DNAH17: variants seen among roughly 807,000 people sequenced by gnomAD.
DNAH17 encodes the protein axonemal beta dynein heavy chain 17.
In DNAH17, 376 loss-of-function variants were observed where a neutral mutation model predicts 485.6. The observed-to-expected ratio is 0.77, with a 90% CI of 0.71 to 0.84. The LOEUF (loss-of-function observed/expected upper bound fraction) is 0.84, where lower values mean the gene tolerates loss of function less well. Ranked by LOEUF, DNAH17 falls within the 40% of genes least tolerant of loss-of-function variation. The pLI is 0.00. For synonymous variants in DNAH17, 3,031 were observed against 2,405.9 expected (o/e 1.26, Z -7.60); for missense variants, 6,370 against 5,839.3 (o/e 1.09, Z -2.96).
chr17:78,468,497 A>T (rs1463182434), intron 55 of DNAH17, 120 bp downstream of exon 55: 1 of 1,329,902 alleles, frequency 7.5e-7, no homozygotes, highest in Non-Finnish European at 1.0e-6. Flanking sequence ...CTCTCCTAAC[A>T]GGATTTCACA....
chr17:78,550,946 C>T lies in DNAH17; in HGVS notation c.2391+589G>A, dbSNP rs148062351. Among the ~76,000 whole-genome samples, 554 of 152,246 alleles carry T rather than the reference C, an allele frequency of 3.6e-3. 5 individuals are homozygous for T. Among genetic ancestry groups the T allele is most frequent in the African/African-American group, 0.013 (526 of 41,544 alleles). On this transcript the variant is annotated intron_variant, in intron 16 of 80. Transcript: ENST00000389840. ...TTGAAAATTGAATCAGAGCCAGATGCGGTGGCTCACGCCTGTAATCCCAGC... is the reference window on the plus strand; with the variant it reads ...TTGAAAATTGAATCAGAGCCAGATGTGGTGGCTCACGCCTGTAATCCCAGC...
chr17:78,565,032 C>A (rs1459810982), intron 11 of DNAH17, among the ~76,000 whole-genome samples: 1 of 152,204 alleles, frequency 6.6e-6, no homozygotes, highest in Non-Finnish European at 1.5e-5. Context: ...ATTACCCTAA[C>A]CTGCTTCCAG....
In DNAH17 at chr17:78,457,950, T is replaced by C. The variant is rs545771367; in HGVS notation, c.9977+615A>G. Reference sequence around the variant, plus strand: ...TGCTGGGATTACAGGCGTGAGCCACTGCGCCCAGCTAGTCTGGCTAATTTT... The same window carrying C: ...TGCTGGGATTACAGGCGTGAGCCACCGCGCCCAGCTAGTCTGGCTAATTTT... On this transcript the variant is annotated intron_variant, in intron 62 of 80. Transcript: ENST00000389840. Among the ~76,000 whole-genome samples, 14 of 152,246 alleles carry C rather than the reference T, an allele frequency of 9.2e-5. No individual in the cohort carries two copies. In the East Asian group the frequency reaches 2.7e-3, roughly 29 times the overall value.
chr17:78,463,161 C>T, intron 56 of DNAH17, 84 bp from the exon 57 acceptor site: 2 of 1,321,552 alleles, frequency 1.5e-6, no homozygotes, highest in Non-Finnish European at 2.1e-6. Context: ...ACCAGGGGCC[C>T]TGGACAAGGT....
At position 78,451,670 on chromosome 17, in the gene DNAH17, G is replaced by A; in HGVS notation, c.10533C>T (p.Tyr3511=). 6.4e-7 allele frequency: 1 copy of A among 1,559,634 alleles called. No homozygotes were observed. Among genetic ancestry groups the A allele is most frequent in the Non-Finnish European group, 8.7e-7 (1 of 1,152,088 alleles). ...CCACCTCCTTGTCACCGATCTTAAT[G>A]TACCTGGCGGTTGGTGGAGGAAAGG... ...LGRNTIKKGK[Y]IKIGDKEVEY... is the part of the protein sequence containing the mutation. The change falls in exon 66 of 81, where the codon TAC becomes TAT. Residue 3511 remains tyrosine (Y), a synonymous_variant. Coordinates refer to ENST00000389840, the MANE Select transcript of DNAH17 (RefSeq NM_173628.4).
intron 2 of DNAH17, among the ~76,000 whole-genome samples, chr17:78,573,545 G>A (rs372750534): frequency 6.6e-4 from 99 of 150,644 alleles, no homozygotes; most frequent in African/African-American, 2.4e-3. Flanking sequence ...GTTGCAGTGA[G>A]CTGAGATCAC....
intron 69 of DNAH17, among the ~76,000 whole-genome samples, chr17:78,445,994 AAACCCTGT>A (rs1217877822): frequency 6.6e-6 from 1 of 151,894 alleles, no homozygotes; most frequent in African/African-American, 2.4e-5. Flanking sequence ...CAACATGGTG[AAACCCTGT>A]TTCTACTAAA....
chr17:78,504,567 TTTC>T (rs1196292743), intron 31 of DNAH17, among the ~76,000 whole-genome samples: 4 of 152,086 alleles, frequency 2.6e-5, no homozygotes, highest in African/African-American at 7.2e-5. Flanking sequence ...GAGATTTTTT[TTTC>T]TTCTTCCTAC....
At position 78,567,074 on chromosome 17, in the gene DNAH17, A is replaced by C. The variant is rs1399430823; in HGVS notation, c.1377T>G (p.Arg459=). ...RGNLLGSLVT[R]IYDEVFELVK... is the part of the protein sequence containing the mutation. ...CCAGCTCAAAGACCTCATCATAGAT[A>C]CGGGTCACCAGGCTCCCGAGGAGGT... The change falls in exon 10 of 81, where the codon CGT becomes CGG. Residue 459 remains arginine, a synonymous_variant. Coordinates refer to ENST00000389840, the MANE Select transcript of DNAH17 (RefSeq NM_173628.4). The C allele has an allele frequency of 6.2e-7, 1 of 1,613,576 alleles. No individual in the cohort carries two copies. The highest frequency in any genetic ancestry group is 2.2e-5 in the East Asian group (1 of 44,886).
rs756202591 is a variant in DNAH17, at chr17:78,532,620, G to A, written c.2976C>T (p.Tyr992=). The A allele has an allele frequency of 6.2e-7, 1 of 1,605,050 alleles. No individual in the cohort carries two copies. The highest frequency in any genetic ancestry group is 8.5e-7 in the Non-Finnish European group (1 of 1,175,500). The change falls in exon 20 of 81, where the codon TAC becomes TAT. Residue 992 remains tyrosine, a synonymous_variant. Transcript: ENST00000389840. ...ACTCCTGCAGGTTGTCCGTCCAGAG[G>A]TAGGAGTACCTCTCAAAGGAATCCT... The part of the protein sequence containing the change: ...EYQDSFERYS[Y]LWTDNLQEFM...
intron 80 of DNAH17, among the ~76,000 whole-genome samples, chr17:78,424,735 C>T (rs59434174): frequency 0.014 from 2,104 of 152,292 alleles, 44 homozygotes; most frequent in African/African-American, 0.047. Flanking sequence ...AATGGGGTGA[C>T]GTCAGCTGTT....
Position 78,486,013 on chromosome 17 carries a change from G to T in DNAH17, c.7222C>A (p.Pro2408Thr). Residue 2408 changes from proline (P) to threonine (T), a missense_variant, in exon 46 of 81, where the codon CCC becomes ACC. Pro to Thr is a conservative substitution (Grantham distance 38). Coordinates refer to ENST00000389840, the MANE Select transcript of DNAH17 (RefSeq NM_173628.4). ...AAGGAGGGCACTTTATCTGTCCAGG[G>T]CAGGAACTTTTTTGTGTCAGGATCA... The part of the protein sequence containing the change: ...YIDPDTKKFL[P>T]WTDKVPSFEL... 1 of 1,613,894 alleles carries T rather than the reference G, an allele frequency of 6.2e-7. No individual in the cohort carries two copies. The highest frequency in any genetic ancestry group is 2.2e-5 in the East Asian group (1 of 44,884).
At chr17:78,570,688 T>C (rs1335052256) in intron 6 of DNAH17, among the ~76,000 whole-genome samples, 1 of 150,958 alleles carries the variant, frequency 6.6e-6, no homozygotes, top group Non-Finnish European at 1.5e-5. Context: ...TGAAACCCCA[T>C]CTCTACTAAA....
intron 23 of DNAH17, 66 bp from the exon 24 acceptor site, chr17:78,526,803 C>A (rs1190818858): frequency 1.9e-6 from 3 of 1,560,232 alleles, no homozygotes; most frequent in Non-Finnish European, 2.6e-6. Flanking sequence ...GGTGGCCCCA[C>A]CCTGTATGCC....
intron 73 of DNAH17, 22 bp from the exon 74 acceptor site, chr17:78,437,890 G>C (rs981583581): frequency 1.3e-6 from 2 of 1,578,622 alleles, no homozygotes; most frequent in Middle Eastern, 1.7e-4. Flanking sequence ...ACTAGAGGCT[G>C]GTTACACACT....
intron 26 of DNAH17, among the ~76,000 whole-genome samples, chr17:78,511,117 G>A (rs2090625741): frequency 6.6e-6 from 1 of 152,164 alleles, no homozygotes; most frequent in South Asian, 2.1e-4. Context: ...ACACAGGTCT[G>A]TTTTCTTTCT....
At position 78,494,021 on chromosome 17, in the gene DNAH17, G is replaced by A. The variant is rs767500533; in HGVS notation, c.6408+15C>T. ...ATGCCGGATCCCTGCAAGGTCCCTG[G>A]AGCGGGTGACACACCTGAGATTTGC... On this transcript the variant is annotated intron_variant, in intron 41 of 80. Transcript: ENST00000389840. 14 of 1,609,482 alleles carry A rather than the reference G, an allele frequency of 8.7e-6. No homozygotes were observed. The highest frequency in any genetic ancestry group is 1.1e-5 in the Non-Finnish European group (13 of 1,178,484).
Position 78,502,896 on chromosome 17 carries a change from T to C in DNAH17, c.5072A>G (p.Tyr1691Cys), listed in dbSNP as rs780449583. The C allele has an allele frequency of 3.1e-6, 5 of 1,613,848 alleles. No individual in the cohort carries two copies. In the South Asian group the frequency reaches 4.4e-5, roughly 14 times the overall value. ...CCACCCGCCTCAGACCTGGGCTGGGTAGTCCAGGATCCACTGCTCCCTCGG... is the reference window on the plus strand; with the variant it reads ...CCACCCGCCTCAGACCTGGGCTGGGCAGTCCAGGATCCACTGCTCCCTCGG... ...EKPREQWILD[Y>C]PAQVALTCTQ... is the part of the protein sequence containing the mutation. The change falls in exon 32 of 81, where the codon TAC becomes TGC. Residue 1691 changes from tyrosine to cysteine, a missense_variant. Physicochemically the swap from Tyr to Cys is radical, Grantham distance 194. Coordinates refer to ENST00000389840, the MANE Select transcript of DNAH17 (RefSeq NM_173628.4).
chr17:78,509,610 G>T (rs961969475), intron 27 of DNAH17, among the ~76,000 whole-genome samples: 10 of 152,124 alleles, frequency 6.6e-5, no homozygotes, highest in South Asian at 2.1e-4. Context: ...GATTTGAACC[G>T]CAAAAGGAGT....
Sources: allele counts gnomAD v4.1 joint callset (sites outside exome capture counted in the v4.1 genomes callset), GRCh38; gene constraint gnomAD v4.1.1; transcripts MANE v1.5; gene names NCBI Gene and HGNC (gene_info 2026-07-23, HGNC 2026-07-21).